Variants in VWA8 observed in about 807,000 individuals in gnomAD.
VWA8 encodes the protein von Willebrand factor A domain-containing protein 8.
VWA8 carries 221 observed loss-of-function variants against 241.5 expected under a neutral mutation model. That is an observed-to-expected ratio of 0.91 (90% CI 0.82 to 1.02). The LOEUF (loss-of-function observed/expected upper bound fraction) is 1.02, where lower values mean the gene tolerates loss of function less well. Ranked by LOEUF, VWA8 falls within the 50% of genes least tolerant of loss-of-function variation. The pLI is 0.00. For missense variants in VWA8, 2,322 were observed against 2,328.7 expected, an observed-to-expected ratio of 1.00 and a Z score of 0.06; for synonymous variants, 852 against 827.1, an observed-to-expected ratio of 1.03 and a Z score of -0.52.
rs1869456278 is a variant in VWA8, at chr13:41,791,400, C to G, written c.2064-3857G>C. On this transcript the variant is annotated intron_variant, in intron 17 of 44. Coordinates refer to ENST00000379310, the MANE Select transcript of VWA8 (RefSeq NM_015058.2). Reference sequence around the variant, plus strand: ...AATATGTATGAGAATGAAAAGTAACCAATTTTTGTTTTTCAGTTTTTTTAA... The same window carrying G: ...AATATGTATGAGAATGAAAAGTAACGAATTTTTGTTTTTCAGTTTTTTTAA... 2.0e-5 allele frequency among the ~76,000 whole-genome samples: 3 copies of G among 151,610 alleles called. No individual in the cohort carries two copies. The South Asian group carries it at 6.3e-4, about 32-fold the overall frequency.
chr13:41,889,821 T>C (rs1874740816), intron 5 of VWA8, among the ~76,000 whole-genome samples: 1 of 152,232 alleles, frequency 6.6e-6, no homozygotes. Context: ...TGATTCCATA[T>C]TCTGAGTATT....
intron 2 of VWA8, among the ~76,000 whole-genome samples, chr13:41,936,940 G>T (rs550768785): frequency 1.1e-3 from 174 of 152,206 alleles, no homozygotes; most frequent in African/African-American, 4.1e-3. Context: ...GATTATACTG[G>T]AATTGAAGCA....
At chr13:41,702,975 A>T (rs1454945353) in intron 27 of VWA8, among the ~76,000 whole-genome samples, 1 of 152,184 alleles carries the variant, frequency 6.6e-6, no homozygotes, top group African/African-American at 2.4e-5. Flanking sequence ...ATGAAGACTG[A>T]ACCTGGCAAC....
intron 19 of VWA8, among the ~76,000 whole-genome samples, chr13:41,778,719 T>G (rs896959055): frequency 6.6e-6 from 1 of 152,124 alleles, no homozygotes; most frequent in African/African-American, 2.4e-5. Context: ...CTTGGTTTTC[T>G]GTATCAAATA....
chr13:41,727,251 C>A lies in VWA8; in HGVS notation c.2701G>T (p.Val901Phe). 3 of 1,554,460 alleles carry A rather than the reference C, an allele frequency of 1.9e-6. No homozygotes were observed. Among genetic ancestry groups the A allele is most frequent in the South Asian group, 2.4e-5 (2 of 83,806 alleles). Reference protein sequence around the residue: ...VVIHPDFRMIVLANRPGFPFL... With the variant: ...VVIHPDFRMIFLANRPGFPFL... ...GGAAATCCAGGTCTATTTGCCAGAA[C>A]AATCATCCTAAAATCAGGATGAATC... The change falls in exon 24 of 45, where the codon GTT (valine) becomes TTT (phenylalanine). Residue 901 changes from valine (V) to phenylalanine (F), a missense_variant. Transcript: ENST00000379310.
chr13:41,942,397 T>C (rs527332065), intron 2 of VWA8, among the ~76,000 whole-genome samples: 1 of 152,228 alleles, frequency 6.6e-6, no homozygotes. Flanking sequence ...GAAGCCTACA[T>C]GAACTAAATT....
intron 40 of VWA8, among the ~76,000 whole-genome samples, chr13:41,594,450 T>G (rs189599924): frequency 2.6e-3 from 391 of 152,236 alleles, no homozygotes; most frequent in Middle Eastern, 6.8e-3. Flanking sequence ...GTCACAACTG[T>G]AGTAAAAATA....
intron 39 of VWA8, among the ~76,000 whole-genome samples, chr13:41,609,892 C>T (rs143695329): frequency 1.9e-4 from 29 of 152,310 alleles, no homozygotes; most frequent in Admixed American, 1.0e-3. Context: ...TCTCTTACAT[C>T]CGCTAAATTC....
At chr13:41,741,616 T>C (rs9566841) in intron 21 of VWA8, among the ~76,000 whole-genome samples, 42,175 of 151,950 alleles carry the variant, frequency 0.28, 6,278 homozygotes, top group Non-Finnish European at 0.33. Flanking sequence ...ACACCTAGTG[T>C]CTATCATTAT....
At chr13:41,573,482 A>ATATATATATATATATAT (rs1391223657) in intron 43 of VWA8, among the ~76,000 whole-genome samples, 6 of 114,626 alleles carry the variant, frequency 5.2e-5, no homozygotes, top group African/African-American at 1.9e-4. Flanking sequence ...TTTAAAAAAA[A>ATATATATATATATATAT]AAAAATATAT....
At chr13:41,907,044 A>C (rs1875753559) in intron 4 of VWA8, among the ~76,000 whole-genome samples, 1 of 152,150 alleles carries the variant, frequency 6.6e-6, no homozygotes, top group South Asian at 2.1e-4. Flanking sequence ...AATACTCCTA[A>C]GAACAATATT....
Position 41,866,978 on chromosome 13 carries a change from G to A in VWA8, c.1213-942C>T, listed in dbSNP as rs560055938. On this transcript the variant is annotated intron_variant, in intron 10 of 44. Transcript: ENST00000379310. ...GGAGCCATGTTCTGATGAGGACTCTGGGCTGGATCATGTTATATACCACAC... is the reference window on the plus strand; with the variant it reads ...GGAGCCATGTTCTGATGAGGACTCTAGGCTGGATCATGTTATATACCACAC... Among the ~76,000 whole-genome samples the A allele has an allele frequency of 6.1e-4, 93 of 152,178 alleles. 1 individual carries two copies. The highest frequency in any genetic ancestry group is 3.4e-3 in the Middle Eastern group (1 of 292).
chr13:41,926,649 T>C (rs1876856181), intron 2 of VWA8: 2 of 543,286 alleles, frequency 3.7e-6, no homozygotes, highest in South Asian at 1.4e-5. Flanking sequence ...ACAGAGAAGA[T>C]GGTTTCAGGG....
chr13:41,928,746 A>G (rs1418252360), intron 2 of VWA8, among the ~76,000 whole-genome samples: 4 of 152,138 alleles, frequency 2.6e-5, no homozygotes, highest in Admixed American at 6.5e-5. Flanking sequence ...AAATAAATCA[A>G]ATAGAAAACA....
At chr13:41,851,039 T>C (rs1326250383) in intron 12 of VWA8, among the ~76,000 whole-genome samples, 1 of 152,240 alleles carries the variant, frequency 6.6e-6, no homozygotes, top group Non-Finnish European at 1.5e-5. Context: ...ATTTCAGGTC[T>C]ACTGTCTTCG....
intron 21 of VWA8, among the ~76,000 whole-genome samples, chr13:41,732,487 T>A (rs187534571): frequency 0.02 from 2,988 of 149,010 alleles, 31 homozygotes; most frequent in African/African-American, 0.029. Flanking sequence ...AACTAAAAAA[T>A]ATATATATAT....
chr13:41,959,311 G>C (rs921421115), intron 1 of VWA8, among the ~76,000 whole-genome samples: 2 of 152,066 alleles, frequency 1.3e-5, no homozygotes, highest in African/African-American at 4.8e-5. Context: ...TGGTTAGATA[G>C]TGGATAAGTG....
chr13:41,570,594 A>G lies in VWA8; in HGVS notation c.5483T>C (p.Val1828Ala), dbSNP rs2044294258. ...KEEADEYFVI[V>A]LSDANLSRYG... ...TCGTGACAGATTTGCATCACTCAAG[A>G]CTATGACAAAGTACTCATCAGCTTC... Residue 1828 changes from valine (V) to alanine (A), a missense_variant, in exon 44 of 45, where the codon GTC (valine) becomes GCC (alanine). Val to Ala is a moderately conservative substitution (Grantham distance 64). Coordinates refer to ENST00000379310, the MANE Select transcript of VWA8 (RefSeq NM_015058.2). The G allele has an allele frequency of 6.2e-7, 1 of 1,614,234 alleles. No homozygotes were observed. Among genetic ancestry groups the G allele is most frequent in the Non-Finnish European group, 8.5e-7 (1 of 1,180,042 alleles).
intron 40 of VWA8, among the ~76,000 whole-genome samples, chr13:41,592,109 A>G (rs1451749738): frequency 1.3e-5 from 2 of 151,050 alleles, no homozygotes; most frequent in East Asian, 1.9e-4. Context: ...AATGTGGCAC[A>G]TATACACCAT....
Sources: allele counts gnomAD v4.1 joint callset (sites outside exome capture counted in the v4.1 genomes callset), GRCh38; gene constraint gnomAD v4.1.1; transcripts MANE v1.5; gene names NCBI Gene and HGNC (gene_info 2026-07-23, HGNC 2026-07-21).